The following SLC6A18 variants were observed in gnomAD, a reference collection of about 807,000 sequenced individuals.
SLC6A18 encodes inactive sodium-dependent neutral amino acid transporter B(0)AT3.
SLC6A18 carries 58 observed loss-of-function variants against 62.9 expected under a neutral mutation model. The observed-to-expected ratio is 0.92, with a 90% confidence interval of 0.75 to 1.15. SLC6A18 has a LOEUF of 1.15. Ranked by LOEUF, SLC6A18 falls within the 50% of genes most tolerant of loss-of-function variation. SLC6A18 has a pLI of 0.00. For missense variants in SLC6A18, 793 were observed against 836.6 expected (o/e 0.95, Z 0.64); for synonymous variants, 382 against 365.8 (o/e 1.04, Z -0.51).
Position 1,245,959 on chromosome 5 carries a change from C to T in SLC6A18, c.1768C>T (p.Leu590=). The T allele has an allele frequency of 6.2e-7, 1 of 1,602,106 alleles. No individual in the cohort carries two copies. Among genetic ancestry groups the T allele is most frequent in the Non-Finnish European group, 8.5e-7 (1 of 1,179,218 alleles). Residue 590 remains leucine (L), a synonymous_variant, in exon 12 of 12, where the codon CTG becomes TTG. Transcript: ENST00000324642. ...LWVPVAALAQ[L]LTRRRRTWRD... ...GGTCCCGGTGGCCGCGCTTGCTCAG[C>T]TGCTCACCCGGCGGAGGCGGACGTG...
At chr5:1,234,291 A>G (rs1746828264) in intron 3 of SLC6A18, among the ~76,000 whole-genome samples, 1 of 152,214 alleles carries the variant, frequency 6.6e-6, no homozygotes, top group South Asian at 2.1e-4. Flanking sequence ...GGCTGGCCTC[A>G]GGGACGAACA....
At position 1,242,805 on chromosome 5, in the gene SLC6A18, C is replaced by T. The variant is rs757680702; in HGVS notation, c.1073C>T (p.Pro358Leu). ...CTCATGCACCTGAACGCCACCTGGCCCAAGAGGGTGGCCCAGCTCCCCCTG... is the reference window on the plus strand; with the variant it reads ...CTCATGCACCTGAACGCCACCTGGCTCAAGAGGGTGGCCCAGCTCCCCCTG... Reference protein sequence around the residue: ...AVLMHLNATWPKRVAQLPLKA... With the variant: ...AVLMHLNATWLKRVAQLPLKA... The change falls in exon 8 of 12, where the codon CCC (proline) becomes CTC (leucine). Residue 358 changes from proline (P) to leucine (L), a missense_variant. Transcript: ENST00000324642. The T allele has an allele frequency of 6.2e-7, 1 of 1,613,938 alleles. No individual in the cohort carries two copies. Among genetic ancestry groups the T allele is most frequent in the South Asian group, 1.1e-5 (1 of 91,048 alleles).
At chr5:1,227,016 G>A (rs560014322) in intron 1 of SLC6A18, among the ~76,000 whole-genome samples, 7 of 135,810 alleles carry the variant, frequency 5.2e-5, no homozygotes, top group Non-Finnish European at 9.7e-5. Context: ...CTTGCCCGCC[G>A]ACGCGCCCAA....
Position 1,239,534 on chromosome 5 carries a change from A to G in SLC6A18, c.817A>G (p.Ile273Val), listed in dbSNP as rs776242391. Residue 273 changes from isoleucine (I) to valine (V), a missense_variant, in exon 6 of 12, where the codon ATC becomes GTC. Physicochemically the swap from Ile to Val is conservative, Grantham distance 29. Transcript: ENST00000324642. Reference protein sequence around the residue: ...FSLSLAFGGHIAFASYNSPRN... With the variant: ...FSLSLAFGGHVAFASYNSPRN... ...TCTGTCCCTGGCCTTCGGAGGACAC[A>G]TCGCTTTTGCAAGTTACAACTCGCC... 4 of 1,613,958 alleles carry G rather than the reference A, an allele frequency of 2.5e-6. No individual in the cohort carries two copies. The African/African-American group carries it at 5.3e-5, about 22-fold the overall frequency.
intron 3 of SLC6A18, among the ~76,000 whole-genome samples, chr5:1,233,127 G>A (rs868371407): frequency 6.6e-6 from 1 of 152,248 alleles, no homozygotes; most frequent in Admixed American, 6.5e-5. Context: ...GGACCACCGA[G>A]GTCCCCTTGC....
Position 1,240,450 on chromosome 5 carries a change from A to G in SLC6A18, c.846-81A>G, listed in dbSNP as rs1747023322. The G allele has an allele frequency of 1.9e-6, 3 of 1,575,846 alleles. No individual in the cohort carries two copies. The African/African-American group carries it at 4.0e-5, about 21-fold the overall frequency. ...AGGCGGGAGAGAGGGTCAAGGAGGG[A>G]AGCCCCCTCCTCACTTCCTCCCCTG... On this transcript the variant is annotated intron_variant, in intron 6 of 11. Transcript: ENST00000324642.
At chr5:1,244,173 C>G in intron 9 of SLC6A18, 41 bp from the exon 10 acceptor site, 2 of 866,992 alleles carry the variant, frequency 2.3e-6, no homozygotes, top group Non-Finnish European at 3.7e-6. Context: ...ACCTCCACTC[C>G]CCATCCCCTT....
rs1747062259 is a variant in SLC6A18 at position 1,241,626 on chromosome 5, G to A, written c.974+967G>A. 6.6e-6 allele frequency among the ~76,000 whole-genome samples: 1 copy of A among 152,150 alleles called. No homozygotes were observed. The highest frequency in any genetic ancestry group is 1.5e-5 in the Non-Finnish European group (1 of 68,014). ...AACATGGCACTCACAGGCCACAGAA[G>A]GGACAGTGTTTTACAGGATGAGCCG... On this transcript the variant is annotated intron_variant, in intron 7 of 11. Coordinates refer to ENST00000324642, the MANE Select transcript of SLC6A18 (RefSeq NM_182632.3). This position sits in a 1 kb window ranked among gnomAD's most constrained non-coding sequence, Gnocchi z 7.8.
intron 2 of SLC6A18, 21 bp from the exon 3 acceptor site, chr5:1,232,730 T>A (rs1746765468): frequency 6.3e-7 from 1 of 1,587,972 alleles, no homozygotes; most frequent in Non-Finnish European, 8.6e-7. Context: ...CGGGGCCACC[T>A]GACATGGTCC....
chr5:1,229,898 A>G (rs1165265932), intron 1 of SLC6A18, among the ~76,000 whole-genome samples: 1 of 103,060 alleles, frequency 9.7e-6, no homozygotes, highest in African/African-American at 3.5e-5. Context: ...CGCAGGCTAA[A>G]GGGAAGGGAA....
At chr5:1,237,357 TC>T (rs1255659522) in intron 4 of SLC6A18, among the ~76,000 whole-genome samples, 1 of 151,846 alleles carries the variant, frequency 6.6e-6, no homozygotes, top group Non-Finnish European at 1.5e-5. Context: ...CATGTGGATG[TC>T]TAGTGTGTAG....
intron 1 of SLC6A18, among the ~76,000 whole-genome samples, chr5:1,229,332 C>T (rs1315120011): frequency 6.6e-6 from 1 of 151,828 alleles, no homozygotes; most frequent in South Asian, 2.1e-4. Flanking sequence ...ACAGAAAACC[C>T]TCTCATCTCC....
intron 7 of SLC6A18, among the ~76,000 whole-genome samples, chr5:1,242,389 G>A (rs2126540807): frequency 6.9e-6 from 1 of 145,060 alleles, no homozygotes; most frequent in Non-Finnish European, 1.5e-5. Flanking sequence ...GGGGCAGGAG[G>A]CGTCCACACG....
chr5:1,245,791 G>A (rs1038082888), intron 11 of SLC6A18, 57 bp from the exon 12 acceptor site: 1 of 1,522,402 alleles, frequency 6.6e-7, no homozygotes, highest in African/African-American at 1.4e-5. Context: ...GGAGCACGGG[G>A]GTCAGCCTCA....
In SLC6A18 at chr5:1,243,150, G is replaced by A. The variant is rs1018365877; in HGVS notation, c.1131+287G>A. The stretch of plus-strand genomic sequence containing the variant: ...TGGTGCCCAGACCCCAGGAGAGGGG[G>A]TGGCCAGCATGAGGGTCACAGTGCC... On this transcript the variant is annotated intron_variant, in intron 8 of 11. Transcript: ENST00000324642. This position sits in a 1 kb window ranked among gnomAD's most constrained non-coding sequence, Gnocchi z 6.5. Among the ~76,000 whole-genome samples, 4 of 152,200 alleles carry A rather than the reference G, an allele frequency of 2.6e-5. No homozygotes were observed. The highest frequency in any genetic ancestry group is 9.7e-5 in the African/African-American group (4 of 41,450).
At position 1,244,306 on chromosome 5, in the gene SLC6A18, T is replaced by TC; in HGVS notation, c.1433dup (p.Asn479GlufsTer25). 1.2e-6 allele frequency: 2 copies of TC among 1,614,104 alleles called. No homozygotes were observed. On this transcript the variant is annotated frameshift_variant, in exon 10 of 12. Transcript: ENST00000324642. LOFTEE classifies it high-confidence loss of function. ...GGAGATTTTCGACAATTTTGCCGCTTCCCCGAACCTGCTCATGTTGGCCTT... is the reference window on the plus strand; with the variant it reads ...GGAGATTTTCGACAATTTTGCCGCTTCCCCCGAACCTGCTCATGTTGGCCTT...
At chr5:1,234,862 G>C (rs535299927) in intron 3 of SLC6A18, among the ~76,000 whole-genome samples, 3 of 152,238 alleles carry the variant, frequency 2.0e-5, no homozygotes, top group African/African-American at 7.2e-5. Context: ...GCAGTGGCCC[G>C]GTCGGGATAC....
At chr5:1,227,164 C>G (rs144606809) in intron 1 of SLC6A18, among the ~76,000 whole-genome samples, 2 of 139,632 alleles carry the variant, frequency 1.4e-5, no homozygotes, top group Non-Finnish European at 3.3e-5. Context: ...CCCGCCGATG[C>G]CTTGCCCGCC....
intron 4 of SLC6A18, among the ~76,000 whole-genome samples, chr5:1,236,151 C>T (rs750950538): frequency 2.6e-5 from 4 of 151,482 alleles, no homozygotes; most frequent in Admixed American, 6.6e-5. Flanking sequence ...ATTCTTGTTT[C>T]TCTCTTTCTC....
Sources: allele counts gnomAD v4.1 joint callset (sites outside exome capture counted in the v4.1 genomes callset), GRCh38; gene constraint gnomAD v4.1.1; non-coding constraint Gnocchi (gnomAD v3.1); transcripts MANE v1.5; gene names NCBI Gene and HGNC (gene_info 2026-07-23, HGNC 2026-07-21).